PCDH15: variants seen among roughly 807,000 people sequenced by gnomAD.
PCDH15 encodes the protein protocadherin-15.
In PCDH15, 129 loss-of-function variants were observed where a neutral mutation model predicts 178.5. The observed-to-expected ratio is 0.72, with a 90% CI of 0.63 to 0.84. PCDH15 has a LOEUF of 0.84. Ranked by LOEUF, PCDH15 falls within the 40% of genes least tolerant of loss-of-function variation. PCDH15 has a pLI of 0.00. For synonymous variants in PCDH15, 800 were observed against 732.0 expected (o/e 1.09, Z -1.50); for missense variants, 2,230 against 2,099.9 (o/e 1.06, Z -1.21).
intron 19 of PCDH15, 136 bp from the exon 20 acceptor site, chr10:54,020,552 T>G: frequency 1.1e-6 from 1 of 892,994 alleles, no homozygotes; most frequent in Non-Finnish European, 1.8e-6. Context: ...TTGTTTTTGT[T>G]TTTTAAAAAA....
chr10:54,028,469 C>T (rs2093186352), intron 18 of PCDH15, among the ~76,000 whole-genome samples: 1 of 151,968 alleles, frequency 6.6e-6, no homozygotes, highest in Non-Finnish European at 1.5e-5. Flanking sequence ...AATCATGCTG[C>T]TATAAAGACA....
rs149833001 is a variant in PCDH15, at chr10:55,160,878, C to G, written c.-80+5698G>C. 3.0e-3 allele frequency among the ~76,000 whole-genome samples: 451 copies of G among 152,234 alleles called. 5 individuals carry two copies. The highest frequency in any genetic ancestry group is 0.021 in the South Asian group (102 of 4,822). ...CTACAGCAATATCTCTTATTTAAAGCCTTGCCTGCATTATCTGTCATTTAA... is the reference window on the plus strand; with the variant it reads ...CTACAGCAATATCTCTTATTTAAAGGCTTGCCTGCATTATCTGTCATTTAA... On this transcript the variant is annotated intron_variant, in intron 2 of 5. Coordinates refer to the PCDH15 transcript ENST00000458638.
intron 32 of PCDH15, among the ~76,000 whole-genome samples, chr10:53,824,517 G>C (rs2076540690): frequency 6.6e-6 from 1 of 152,086 alleles, no homozygotes; most frequent in African/African-American, 2.4e-5. Context: ...TGTGTCTTTT[G>C]GCAAAGATAC....
chr10:55,527,178 C>A (rs1373088890), intron 2 of PCDH15, among the ~76,000 whole-genome samples: 1 of 152,006 alleles, frequency 6.6e-6, no homozygotes, highest in South Asian at 2.1e-4. Context: ...TGTGTATATT[C>A]GTTTCTTATG....
chr10:54,077,584 C>T lies in PCDH15; in HGVS notation c.2091+1747G>A, dbSNP rs191418223. ...CCTGAATGCTTTCTTAATTTCACTT[C>T]ACTGTAATTATACCTCTTAATCTAT... is the stretch of plus-strand genomic sequence containing the variant. On this transcript the variant is annotated intron_variant, in intron 17 of 37. Coordinates refer to ENST00000644397, the MANE Select transcript of PCDH15 (RefSeq NM_001384140.1). Among the ~76,000 whole-genome samples, 32 of 152,284 alleles carry T rather than the reference C, an allele frequency of 2.1e-4. No homozygotes were observed. The East Asian group carries it at 6.2e-3, about 29-fold the overall frequency.
At chr10:54,307,011 TA>T (rs2060515831) in intron 8 of PCDH15, among the ~76,000 whole-genome samples, 1 of 49,732 alleles carries the variant, frequency 2.0e-5, no homozygotes, top group Non-Finnish European at 5.1e-5. Context: ...TATATATATA[TA>T]TACATATATA....
intron 17 of PCDH15, among the ~76,000 whole-genome samples, chr10:54,077,059 G>C (rs1350061654): frequency 1.3e-5 from 2 of 152,034 alleles, no homozygotes; most frequent in African/African-American, 4.8e-5. Context: ...GGAACCCACT[G>C]TGTATGCCTA....
At chr10:54,730,704 A>C (rs867165764) in intron 1 of PCDH15, among the ~76,000 whole-genome samples, 1 of 151,682 alleles carries the variant, frequency 6.6e-6, no homozygotes, top group South Asian at 2.1e-4. Flanking sequence ...CTGGATAACC[A>C]TATGTAAAAG....
intron 3 of PCDH15, among the ~76,000 whole-genome samples, chr10:54,444,857 T>C (rs2076047386): frequency 6.9e-6 from 1 of 144,720 alleles, no homozygotes; most frequent in African/African-American, 2.9e-5. Context: ...TCTAAGCATA[T>C]TTTTTTATCA....
chr10:54,692,846 AAAAT>A (rs1464207846), intron 1 of PCDH15, among the ~76,000 whole-genome samples: 1 of 152,198 alleles, frequency 6.6e-6, no homozygotes, highest in Non-Finnish European at 1.5e-5. Context: ...ATGCAAACAC[AAAAT>A]AAATACTCAA....
At chr10:55,436,901 T>TGGTGTTATGTTTTAGTCAGGTGTTA (rs1839054284) in intron 2 of PCDH15, among the ~76,000 whole-genome samples, 1 of 152,166 alleles carries the variant, frequency 6.6e-6, no homozygotes, top group Non-Finnish European at 1.5e-5. Flanking sequence ...ACAACAAAAC[T>TGGTGTTATGTTTTAGTCAGGTGTTA]TCATAAAGGG....
intron 3 of PCDH15, among the ~76,000 whole-genome samples, chr10:54,492,742 TTGTTA>T (rs2079718626): frequency 6.6e-6 from 1 of 152,158 alleles, no homozygotes; most frequent in Non-Finnish European, 1.5e-5. Flanking sequence ...TTACAGTGTA[TTGTTA>T]TAACTGTTCA....
intron 2 of PCDH15, among the ~76,000 whole-genome samples, chr10:55,015,070 A>T (rs1840138857): frequency 6.6e-6 from 1 of 151,956 alleles, no homozygotes; most frequent in South Asian, 2.1e-4. Flanking sequence ...AGAATATAAA[A>T]ATTAGCTGGA....
At chr10:54,342,030 G>A (rs1942327681) in intron 6 of PCDH15, among the ~76,000 whole-genome samples, 1 of 152,200 alleles carries the variant, frequency 6.6e-6, no homozygotes. Context: ...TAAAAGGGAA[G>A]CAGAGAATAA....
intron 2 of PCDH15, among the ~76,000 whole-genome samples, chr10:55,038,563 G>A (rs1840792620): frequency 6.6e-6 from 1 of 152,120 alleles, no homozygotes; most frequent in South Asian, 2.1e-4. Flanking sequence ...TACGAGTCTG[G>A]TTATATCAGG....
intron 2 of PCDH15, among the ~76,000 whole-genome samples, chr10:55,007,289 T>C (rs969313605): frequency 3.3e-5 from 5 of 152,152 alleles, no homozygotes; most frequent in Non-Finnish European, 7.4e-5. Flanking sequence ...AGACAGGAAA[T>C]GAGATTTCCA....
intron 1 of PCDH15, among the ~76,000 whole-genome samples, chr10:55,195,463 A>G (rs1361441513): frequency 1.4e-5 from 2 of 146,858 alleles, no homozygotes; most frequent in Non-Finnish European, 3.0e-5. Flanking sequence ...CAAGATGGTG[A>G]AACCCTATTT....
chr10:55,050,525 T>A (rs1351884845), intron 2 of PCDH15, among the ~76,000 whole-genome samples: 1 of 151,998 alleles, frequency 6.6e-6, no homozygotes, highest in Non-Finnish European at 1.5e-5. Context: ...TCCAATACAG[T>A]TCAGTAATTA....
In PCDH15 at chr10:54,158,389, A is replaced by T. The variant is rs142060824; in HGVS notation, c.1591-5096T>A. ...GATTGTGGGAGACTTATTCACTATC[A>T]TGAGAACAGCAAGGGAAAATCTTGC... On this transcript the variant is annotated intron_variant, in intron 13 of 37. Transcript: ENST00000644397. Among the ~76,000 whole-genome samples, 130 of 152,276 alleles carry T rather than the reference A, an allele frequency of 8.5e-4. 1 individual carries two copies. The highest frequency in any genetic ancestry group is 1.4e-3 in the Admixed American group (22 of 15,288).
Sources: gnomAD v4.1 joint callset for allele counts (sites outside exome capture counted in the v4.1 genomes callset) on GRCh38, gnomAD v4.1.1 for gene constraint, MANE v1.5 for transcripts, NCBI Gene and HGNC (gene_info 2026-07-23, HGNC 2026-07-21) for gene names.